Variants in CKAP5 observed in about 807,000 individuals in gnomAD.
CKAP5 encodes the protein cytoskeleton associated protein 5, also known as cytoskeleton-associated protein 5.
A neutral mutation model predicts 232.8 loss-of-function variants in CKAP5; 27 were observed. That is an observed-to-expected ratio of 0.12 (90% confidence interval 0.09 to 0.16). CKAP5 has a LOEUF of 0.16. Among genes scored for constraint, CKAP5 ranks in the 10% least tolerant of loss-of-function variants. The pLI, the probability that CKAP5 is intolerant of heterozygous loss-of-function variation, is 1.00. For missense variants in CKAP5, 1,838 were observed against 2,424.7 expected (o/e 0.76, Z 5.08); for synonymous variants, 785 against 841.1 (o/e 0.93, Z 1.16).
chr11:46,842,534 G>A (rs946836513), intron 1 of CKAP5, among the ~76,000 whole-genome samples: 4 of 152,152 alleles, frequency 2.6e-5, no homozygotes, highest in African/African-American at 4.8e-5. Flanking sequence ...AAGACAGTTC[G>A]AGAAGCCTTA....
At chr11:46,797,690 T>A in intron 11 of CKAP5, 115 bp downstream of exon 11, 1 of 1,065,174 alleles carries the variant, frequency 9.4e-7, no homozygotes, top group East Asian at 2.4e-5. Flanking sequence ...GCTCTGCTCC[T>A]CAAAAGATCA....
chr11:46,834,058 T>C (rs1331220259), intron 1 of CKAP5, among the ~76,000 whole-genome samples: 1 of 152,138 alleles, frequency 6.6e-6, no homozygotes, highest in African/African-American at 2.4e-5. Context: ...TTAGTAGAGA[T>C]GGTGTTTCAC....
At chr11:46,809,304 G>A (rs1244043438) in intron 7 of CKAP5, 96 bp downstream of exon 7, 10 of 746,872 alleles carry the variant, frequency 1.3e-5, no homozygotes, top group African/African-American at 1.8e-5. Flanking sequence ...TGGGATGGAA[G>A]GGGGTGCATC....
At chr11:46,778,038 A>C (rs1429262943) in intron 22 of CKAP5, 101 bp downstream of exon 22, 4 of 922,252 alleles carry the variant, frequency 4.3e-6, no homozygotes, top group African/African-American at 3.3e-5. Context: ...AAAGCAAATA[A>C]AGTAACCACT....
Position 46,776,354 on chromosome 11 carries a change from A to T in CKAP5, c.2892T>A (p.Thr964=). 1 of 1,613,414 alleles carries T rather than the reference A, an allele frequency of 6.2e-7. No individual in the cohort carries two copies. Among genetic ancestry groups the T allele is most frequent in the Non-Finnish European group, 8.5e-7 (1 of 1,179,546 alleles). The change falls in exon 24 of 44, where the codon ACT becomes ACA. Residue 964 remains threonine (T), a synonymous_variant. Transcript: ENST00000529230. ...KNNVRAAALA[T]VNAWAEQTGM... ...CAGTCTGTTCTGCCCAAGCATTCAC[A>T]GTCGCTAGGGCAGCAGCTCGAACAT...
intron 15 of CKAP5, among the ~76,000 whole-genome samples, chr11:46,789,100 A>T (rs774743844): frequency 4.6e-5 from 7 of 152,240 alleles, no homozygotes; most frequent in Non-Finnish European, 1.0e-4. Context: ...TGTGGCAGAA[A>T]CTGCTTATAT....
At chr11:46,809,958 C>T in intron 5 of CKAP5, 84 bp from the exon 6 acceptor site, 1 of 1,329,028 alleles carries the variant, frequency 7.5e-7, no homozygotes, top group Admixed American at 2.3e-5. Flanking sequence ...ATTGACATAT[C>T]AGGACCCAAT....
chr11:46,815,602 G>A (rs535480349), intron 4 of CKAP5, among the ~76,000 whole-genome samples: 1 of 152,268 alleles, frequency 6.6e-6, no homozygotes, highest in Admixed American at 6.5e-5. Flanking sequence ...CAACTGAAAA[G>A]CCTAATTCTT....
At chr11:46,826,179 CTT>C (rs1156367757) in intron 1 of CKAP5, among the ~76,000 whole-genome samples, 1 of 152,166 alleles carries the variant, frequency 6.6e-6, no homozygotes, top group African/African-American at 2.4e-5. Context: ...AGAGCTGTCT[CTT>C]TCACATTGTG....
In CKAP5 at chr11:46,809,382, A is replaced by G; in HGVS notation, c.864+18T>C. On this transcript the variant is annotated intron_variant, in intron 7 of 43. Coordinates refer to ENST00000529230, the MANE Select transcript of CKAP5 (RefSeq NM_001008938.4). The stretch of plus-strand genomic sequence containing the variant: ...TATTTTACAAGAAATAAATGAAAGA[A>G]GTTTAACTATTACTTACAATTTTGT... The G allele has an allele frequency of 7.0e-7, 1 of 1,423,646 alleles. No individual in the cohort carries two copies. The highest frequency in any genetic ancestry group is 9.9e-7 in the Non-Finnish European group (1 of 1,014,592). The allele number at this position is 1,423,646 out of a possible 1,614,324, so 88.2% of individuals were successfully genotyped here.
intron 13 of CKAP5, among the ~76,000 whole-genome samples, chr11:46,793,901 TG>T (rs1938803502): frequency 6.6e-6 from 1 of 151,894 alleles, no homozygotes; most frequent in African/African-American, 2.4e-5. Context: ...CACTCCAGCC[TG>T]GGTGACAGTG....
chr11:46,829,834 TTGTATGTGTGTG>T (rs1383798267), intron 1 of CKAP5, among the ~76,000 whole-genome samples: 26 of 110,734 alleles, frequency 2.3e-4, no homozygotes, highest in Admixed American at 4.0e-4. Flanking sequence ...AATTCCTTTT[TTGTATGTGTGTG>T]TGTGTGTGTG....
intron 16 of CKAP5, among the ~76,000 whole-genome samples, chr11:46,786,144 C>G (rs1193735810): frequency 6.6e-6 from 1 of 152,132 alleles, no homozygotes; most frequent in African/African-American, 2.4e-5. Flanking sequence ...CTATCCAAAT[C>G]AACTTATCTC....
intron 1 of CKAP5, among the ~76,000 whole-genome samples, chr11:46,842,824 G>A (rs865967545): frequency 3.3e-5 from 5 of 151,778 alleles, no homozygotes; most frequent in African/African-American, 9.7e-5. Flanking sequence ...AAAATTAGCC[G>A]GGCTTGGTAG....
chr11:46,792,568 C>CAAA (rs755453587), intron 13 of CKAP5, among the ~76,000 whole-genome samples: 6 of 150,786 alleles, frequency 4.0e-5, no homozygotes, highest in Admixed American at 1.3e-4. Flanking sequence ...AAAACAAAAA[C>CAAA]AACAACAACA....
intron 35 of CKAP5, among the ~76,000 whole-genome samples, chr11:46,758,277 C>G (rs559683695): frequency 5.6e-4 from 85 of 152,268 alleles, no homozygotes; most frequent in Non-Finnish European, 1.0e-3. Flanking sequence ...CCTTTGACCA[C>G]TAGCTCTTTC....
At chr11:46,770,385 G>T in intron 25 of CKAP5, 1 of 380,526 alleles carries the variant, frequency 2.6e-6, no homozygotes, top group Non-Finnish European at 4.7e-6. Flanking sequence ...TTCAAATTGA[G>T]ACTCACAGGA....
chr11:46,776,333 C>A lies in CKAP5; in HGVS notation c.2913G>T (p.Gln971His). The change falls in exon 24 of 44, where the codon CAG becomes CAT. Residue 971 changes from glutamine to histidine, a missense_variant. Gln to His is a conservative substitution (Grantham distance 24). This residue lies in a region of CKAP5 where 767 missense variants were observed against 954.6 expected (regional missense o/e 0.80). Transcript: ENST00000529230. ...ALATVNAWAE[Q>H]TGMKEWLEGE... ...CTTCCAGCCATTCCTTCATGCCAGTCTGTTCTGCCCAAGCATTCACAGTCG... is the reference window on the plus strand; with the variant it reads ...CTTCCAGCCATTCCTTCATGCCAGTATGTTCTGCCCAAGCATTCACAGTCG... The A allele has an allele frequency of 6.2e-7, 1 of 1,613,912 alleles. No individual in the cohort carries two copies. The highest frequency in any genetic ancestry group is 1.1e-5 in the South Asian group (1 of 91,060).
intron 40 of CKAP5, among the ~76,000 whole-genome samples, chr11:46,750,910 G>A (rs1205347961): frequency 6.6e-6 from 1 of 152,030 alleles, no homozygotes; most frequent in East Asian, 1.9e-4. Flanking sequence ...TCTTTCTTGG[G>A]GACCAAAAAA....
Sources: allele counts gnomAD v4.1 joint callset (sites outside exome capture counted in the v4.1 genomes callset), GRCh38; gene constraint gnomAD v4.1.1; regional missense constraint gnomAD v4.1.1; transcripts MANE v1.5; gene names NCBI Gene and HGNC (gene_info 2026-07-23, HGNC 2026-07-21).